ATP10A: variants seen among roughly 807,000 people sequenced by gnomAD.
ATP10A encodes phospholipid-transporting ATPase VA.
ATP10A carries 111 observed loss-of-function variants against 147.8 expected under a neutral mutation model. That is an observed-to-expected ratio of 0.75 (90% confidence interval 0.64 to 0.88). The LOEUF (loss-of-function observed/expected upper bound fraction) is 0.88, where lower values mean the gene tolerates loss of function less well. Among genes scored for constraint, ATP10A ranks in the 40% least tolerant of loss-of-function variants. The pLI is 0.00. For missense variants in ATP10A, 1,927 were observed against 1,959.0 expected (o/e 0.98, Z 0.31); for synonymous variants, 875 against 841.6 (o/e 1.04, Z -0.69).
chr15:25,853,876 T>C (rs2140914482), intron 1 of ATP10A, among the ~76,000 whole-genome samples: 1 of 150,774 alleles, frequency 6.6e-6, no homozygotes, highest in Non-Finnish European at 1.5e-5. Context: ...AGACCACTTG[T>C]GGTTCCAATG....
At chr15:25,743,332 G>C (rs1182313192) in intron 2 of ATP10A, among the ~76,000 whole-genome samples, 3 of 152,226 alleles carry the variant, frequency 2.0e-5, no homozygotes, top group Admixed American at 6.5e-5. Flanking sequence ...AGATTCAAAA[G>C]AAAAGTTATC....
chr15:25,708,355 C>A, intron 10 of ATP10A, 55 bp from the exon 11 acceptor site: 2 of 1,476,404 alleles, frequency 1.4e-6, no homozygotes, highest in Non-Finnish European at 9.5e-7. Flanking sequence ...GTGGAATGGT[C>A]TTCAGACACT....
In ATP10A at chr15:25,708,295, C is replaced by A; in HGVS notation, c.2350G>T (p.Ala784Ser). The change falls in exon 11 of 21, where the codon GCC becomes TCC. Residue 784 changes from alanine (A) to serine (S), a missense_variant. By Grantham distance (99) the Ala-to-Ser change is moderately conservative. Coordinates refer to ENST00000555815, the MANE Select transcript of ATP10A (RefSeq NM_024490.4). ...DLLQPCSSVD[A>S]RGRHQKKIRS... is the part of the protein sequence containing the mutation. ...ATCTTTTTTTGATGCCTCCCTCTGG[C>A]GTCAACTAGGTTGGAGAATAAGCAG... is the stretch of plus-strand genomic sequence containing the variant. 6.2e-7 allele frequency: 1 copy of A among 1,613,804 alleles called. No homozygotes were observed. Among genetic ancestry groups the A allele is most frequent in the Non-Finnish European group, 8.5e-7 (1 of 1,179,812 alleles).
downstream of ATP10A, chr15:25,678,482 T>C (rs1899188701): frequency 1.3e-5 from 2 of 152,152 alleles, no homozygotes; most frequent in African/African-American, 4.8e-5. Flanking sequence ...ACAGAACTAA[T>C]GGCTCATTAC....
chr15:25,769,077 C>T (rs1889189824), intron 2 of ATP10A, among the ~76,000 whole-genome samples: 1 of 152,186 alleles, frequency 6.6e-6, no homozygotes, highest in African/African-American at 2.4e-5. Flanking sequence ...CTCACACACA[C>T]ATGCATGCAC....
chr15:25,721,645 C>T lies in ATP10A; in HGVS notation c.1363+12G>A. ...TCAGCCTGGGTTGGGAGCCCCGCAC[C>T]CCCAGACTCACCATTTGCATCATGA... is the stretch of plus-strand genomic sequence containing the variant. On this transcript the variant is annotated intron_variant, in intron 7 of 20. Transcript: ENST00000555815. 1 of 1,609,430 alleles carries T rather than the reference C, an allele frequency of 6.2e-7. No homozygotes were observed.
Position 25,680,215 on chromosome 15 carries a change from G to A in ATP10A, c.3772C>T (p.Pro1258Ser). ...TGCATAGTCCAGTAAGGGTTGGACG[G>A]AGGATAGCACGTGGCACAAGACGCA... Reference protein sequence around the residue: ...YNASCATCYPPSNPYWTMQAL... With the variant: ...YNASCATCYPSSNPYWTMQAL... Residue 1258 changes from proline to serine, a missense_variant, in exon 20 of 21, where the codon CCG becomes TCG. Pro to Ser is a moderately conservative substitution (Grantham distance 74, BLOSUM62 -1). Transcript: ENST00000555815. The A allele has an allele frequency of 6.2e-7, 1 of 1,614,142 alleles. No homozygotes were observed. Among genetic ancestry groups the A allele is most frequent in the Non-Finnish European group, 8.5e-7 (1 of 1,179,970 alleles).
upstream of ATP10A, among the ~76,000 whole-genome samples, chr15:25,864,245 C>T (rs1298430546): frequency 6.6e-6 from 1 of 152,146 alleles, no homozygotes; most frequent in Non-Finnish European, 1.5e-5. Context: ...GGAGAATAAG[C>T]ACGGCATGGA....
chr15:25,740,672 C>T (rs902960441), intron 2 of ATP10A, among the ~76,000 whole-genome samples: 3 of 152,240 alleles, frequency 2.0e-5, no homozygotes, highest in Non-Finnish European at 4.4e-5. Context: ...ACATGGTCCT[C>T]GAAGGCTCTC....
intron 1 of ATP10A, among the ~76,000 whole-genome samples, chr15:25,809,496 C>T (rs1281831262): frequency 1.3e-5 from 2 of 152,110 alleles, no homozygotes; most frequent in Non-Finnish European, 2.9e-5. Context: ...TTGCTGTGAG[C>T]TTTTAAGAAT....
chr15:25,797,845 C>T lies in ATP10A; in HGVS notation c.450-16622G>A, dbSNP rs531145673. 2.8e-4 allele frequency among the ~76,000 whole-genome samples: 42 copies of T among 152,228 alleles called. 1 individual carries two copies. In the East Asian group the frequency reaches 7.6e-3, roughly 27 times the overall value. Reference sequence around the variant, plus strand: ...CCCTCCACGTGCCAGCACAGCCATGCTACCCGATCTCACCCTGGGCTGGCT... The same window carrying T: ...CCCTCCACGTGCCAGCACAGCCATGTTACCCGATCTCACCCTGGGCTGGCT... On this transcript the variant is annotated intron_variant, in intron 1 of 20. Transcript: ENST00000555815.
intron 3 of ATP10A, among the ~76,000 whole-genome samples, chr15:25,733,053 C>A (rs1050642644): frequency 2.6e-5 from 4 of 152,146 alleles, no homozygotes; most frequent in Admixed American, 2.0e-4. Flanking sequence ...CTTCTTGCTA[C>A]AAACCCAAAC....
intron 2 of ATP10A, among the ~76,000 whole-genome samples, chr15:25,779,180 G>A (rs534124702): frequency 1.4e-4 from 22 of 152,262 alleles, no homozygotes; most frequent in Admixed American, 4.6e-4. Context: ...CCCAGTAGAG[G>A]AAGTTATTCT....
chr15:25,821,631 G>A (rs1017822914), intron 1 of ATP10A, among the ~76,000 whole-genome samples: 4 of 152,160 alleles, frequency 2.6e-5, no homozygotes, highest in Non-Finnish European at 4.4e-5. Context: ...CTGGAAGAGT[G>A]CACAAATTTG....
intron 2 of ATP10A, among the ~76,000 whole-genome samples, chr15:25,778,011 C>A (rs1889705529): frequency 6.6e-6 from 1 of 151,838 alleles, no homozygotes; most frequent in African/African-American, 2.4e-5. Context: ...TTCTTATAAC[C>A]CAATCCCCAA....
In ATP10A at chr15:25,680,307, G is replaced by T. The variant is rs1246599624; in HGVS notation, c.3680C>A (p.Thr1227Asn). ...GCCACACGTTATCCAGTTGAGCCAG[G>T]TCTGAGGGGGAATGAGAAAGAAAGG... ...LHLGIETKTW[T>N]WLNWITCGFS... Residue 1227 changes from threonine (T) to asparagine (N), a missense_variant and splice_region_variant, in exon 20 of 21, where the codon ACC (threonine) becomes AAC (asparagine). Coordinates refer to ENST00000555815, the MANE Select transcript of ATP10A (RefSeq NM_024490.4). The T allele has an allele frequency of 6.2e-7, 1 of 1,613,610 alleles. No individual in the cohort carries two copies. The highest frequency in any genetic ancestry group is 2.2e-5 in the East Asian group (1 of 44,868).
chr15:25,744,134 A>C (rs753727034), intron 2 of ATP10A, among the ~76,000 whole-genome samples: 2 of 152,128 alleles, frequency 1.3e-5, no homozygotes, highest in Non-Finnish European at 2.9e-5. Context: ...TCAACATGGA[A>C]CTTAATACAA....
At chr15:25,803,254 C>T (rs570765894) in intron 1 of ATP10A, among the ~76,000 whole-genome samples, 1 of 152,340 alleles carries the variant, frequency 6.6e-6, no homozygotes, top group South Asian at 2.1e-4. Context: ...CCCTCCAATA[C>T]CTGAATGATG....
intron 2 of ATP10A, among the ~76,000 whole-genome samples, chr15:25,779,308 C>G (rs942205555): frequency 6.6e-6 from 1 of 152,196 alleles, no homozygotes; most frequent in African/African-American, 2.4e-5. Context: ...TGAGGTTTCA[C>G]CAGTAGATAC....
Sources: gnomAD v4.1 joint callset for allele counts (sites outside exome capture counted in the v4.1 genomes callset) on GRCh38, gnomAD v4.1.1 for gene constraint, MANE v1.5 for transcripts, NCBI Gene and HGNC (gene_info 2026-07-23, HGNC 2026-07-21) for gene names.